Variants in ELAVL4 observed in about 807,000 individuals in gnomAD.
ELAVL4 encodes the protein ELAV like RNA binding protein 4.
In ELAVL4, 1 loss-of-function variant was observed where a neutral mutation model predicts 35.6. The observed-to-expected ratio is 0.03, with a 90% CI of 0.01 to 0.13. The LOEUF (loss-of-function observed/expected upper bound fraction) is 0.13. ELAVL4 is among the 10% of genes least tolerant of loss of function. The pLI is 1.00. For missense variants in ELAVL4, 267 were observed against 464.9 expected, an observed-to-expected ratio of 0.57 and a Z score of 3.91; for synonymous variants, 156 against 171.0, an observed-to-expected ratio of 0.91 and a Z score of 0.69.
upstream of ELAVL4, among the ~76,000 whole-genome samples, chr1:50,107,621 T>C (rs1339921916): frequency 2.6e-5 from 4 of 152,348 alleles, no homozygotes; most frequent in African/African-American, 9.6e-5. Context: ...CTCTGCCTAG[T>C]TCTGTCTCAC....
intron 1 of ELAVL4, among the ~76,000 whole-genome samples, chr1:50,095,799 C>T (rs1184759999): frequency 6.6e-6 from 1 of 152,164 alleles, no homozygotes; most frequent in Non-Finnish European, 1.5e-5. Flanking sequence ...CAAACCGTCA[C>T]ATTATTCACC....
At chr1:50,088,250 G>A (rs1221735725) in intron 1 of ELAVL4, among the ~76,000 whole-genome samples, 1 of 152,208 alleles carries the variant, frequency 6.6e-6, no homozygotes, top group East Asian at 1.9e-4. Flanking sequence ...GTGGCCAGAG[G>A]CCTTTGCTGG....
intron 1 of ELAVL4, chr1:50,048,210 A>AC: frequency 6.6e-7 from 1 of 1,504,938 alleles, no homozygotes; most frequent in Non-Finnish European, 8.9e-7. Context: ...CAGGCCCCGC[A>AC]CCCCCGACTC....
At chr1:50,155,801 G>A (rs889720034) in intron 2 of ELAVL4, among the ~76,000 whole-genome samples, 3 of 152,134 alleles carry the variant, frequency 2.0e-5, no homozygotes, top group Non-Finnish European at 4.4e-5. Context: ...CCCTGAGCTG[G>A]ACAACAAACA....
At chr1:50,124,969 G>C (rs1418870154) in intron 1 of ELAVL4, among the ~76,000 whole-genome samples, 1 of 152,034 alleles carries the variant, frequency 6.6e-6, no homozygotes, top group Non-Finnish European at 1.5e-5. Flanking sequence ...AATTTTTGTT[G>C]AGTGCCTGCC....
chr1:50,058,618 C>CTT (rs112852298), intron 1 of ELAVL4, among the ~76,000 whole-genome samples: 1 of 144,974 alleles, frequency 6.9e-6, no homozygotes. Flanking sequence ...AAGATAATTC[C>CTT]TTTTTTTTTT....
chr1:50,071,403 T>A (rs537233855), intron 1 of ELAVL4, among the ~76,000 whole-genome samples: 9 of 152,290 alleles, frequency 5.9e-5, no homozygotes, highest in African/African-American at 1.9e-4. Context: ...TTCAGCTTTG[T>A]AACAACTTTT....
chr1:50,096,084 G>A (rs945526548), intron 1 of ELAVL4, among the ~76,000 whole-genome samples: 2 of 152,016 alleles, frequency 1.3e-5, no homozygotes, highest in Admixed American at 6.6e-5. Context: ...ATTTCTAAGA[G>A]AGGCCATATC....
At chr1:50,132,453 G>A (rs1261458608) in intron 1 of ELAVL4, among the ~76,000 whole-genome samples, 1 of 152,164 alleles carries the variant, frequency 6.6e-6, no homozygotes, top group Non-Finnish European at 1.5e-5. Flanking sequence ...GAACGGATCA[G>A]TACTTTTCAC....
At chr1:50,180,493 G>A (rs569292368) in intron 3 of ELAVL4, 20 of 152,164 alleles carry the variant, frequency 1.3e-4, no homozygotes, top group Non-Finnish European at 2.9e-4. Flanking sequence ...TTTATTAGGG[G>A]CAGTGTTACA....
At chr1:50,081,011 A>G (rs762759562) in intron 1 of ELAVL4, among the ~76,000 whole-genome samples, 2 of 152,220 alleles carry the variant, frequency 1.3e-5, no homozygotes, top group Non-Finnish European at 2.9e-5. Context: ...CTTGGCTTTA[A>G]GAAGAACCAG....
intron 1 of ELAVL4, among the ~76,000 whole-genome samples, chr1:50,089,913 C>A (rs183050387): frequency 2.4e-4 from 37 of 152,264 alleles, no homozygotes; most frequent in African/African-American, 8.7e-4. Context: ...GGGTCACCTG[C>A]AGAAGAATAG....
At chr1:50,113,076 G>A (rs1368142238) in intron 1 of ELAVL4, among the ~76,000 whole-genome samples, 2 of 152,056 alleles carry the variant, frequency 1.3e-5, no homozygotes, top group Admixed American at 6.6e-5. Flanking sequence ...TAAGCTATTT[G>A]AAATTTCACA....
In ELAVL4 at chr1:50,134,654, A is replaced by G. The variant is rs184256402; in HGVS notation, c.10-10303A>G. On this transcript the variant is annotated intron_variant, in intron 1 of 6. Coordinates refer to ENST00000371824, the MANE Select transcript of ELAVL4 (RefSeq NM_001144774.3). ...TTTGTCTTTTTCAAATCTGACTTAA[A>G]CAAAGAAAGCTTATTGAAAGTACGG... 4.9e-4 allele frequency among the ~76,000 whole-genome samples: 74 copies of G among 152,280 alleles called. 1 individual carries two copies. In the East Asian group the frequency reaches 0.013, roughly 27 times the overall value.
chr1:50,096,212 C>T (rs11806190), intron 1 of ELAVL4, among the ~76,000 whole-genome samples: 69,013 of 151,196 alleles, frequency 0.46, 18,812 homozygotes, highest in Non-Finnish European at 0.62. Flanking sequence ...AGTCTTTGCT[C>T]TTGAGTACCT....
intron 1 of ELAVL4, among the ~76,000 whole-genome samples, chr1:50,086,537 G>A (rs1321531176): frequency 6.6e-6 from 1 of 151,012 alleles, no homozygotes; most frequent in Non-Finnish European, 1.5e-5. Flanking sequence ...GTATGCGGAG[G>A]AACCCTTTAG....
At chr1:50,145,731 G>A (rs1420074663) in intron 2 of ELAVL4, among the ~76,000 whole-genome samples, 2 of 152,184 alleles carry the variant, frequency 1.3e-5, no homozygotes, top group Admixed American at 1.3e-4. Context: ...GGAGGGAAAT[G>A]CTTAATGAAG....
intron 1 of ELAVL4, among the ~76,000 whole-genome samples, chr1:50,060,198 C>T (rs367754775): frequency 2.0e-5 from 3 of 152,236 alleles, no homozygotes; most frequent in South Asian, 4.1e-4. Flanking sequence ...CTGTTCATTA[C>T]AAGTAAAAAC....
chr1:50,135,943 A>C lies in ELAVL4; in HGVS notation c.10-9014A>C, dbSNP rs545220640. On this transcript the variant is annotated intron_variant, in intron 1 of 6. Transcript: ENST00000371824. ...CAAGTTCCCTTTTCCTAGAGTTATCAGATCATCAGTCTCAGCTCCTCCCCT... is the reference window on the plus strand; with the variant it reads ...CAAGTTCCCTTTTCCTAGAGTTATCCGATCATCAGTCTCAGCTCCTCCCCT... 3.3e-5 allele frequency among the ~76,000 whole-genome samples: 5 copies of C among 152,246 alleles called. No individual in the cohort carries two copies. In the East Asian group the frequency reaches 9.7e-4, roughly 29 times the overall value.
Sources: allele counts gnomAD v4.1 joint callset (sites outside exome capture counted in the v4.1 genomes callset), GRCh38; gene constraint gnomAD v4.1.1; transcripts MANE v1.5; gene names NCBI Gene and HGNC (gene_info 2026-07-23, HGNC 2026-07-21).